The following SHOX2 variants were observed in gnomAD, a reference collection of about 807,000 sequenced individuals.
SHOX2 encodes the protein short stature homeobox protein 2.
Under a neutral mutation model 31.3 loss-of-function variants are expected in SHOX2, and 13 were observed. The observed-to-expected ratio is 0.42, with a 90% CI of 0.27 to 0.66. SHOX2 has a LOEUF of 0.66. Ranked by LOEUF, SHOX2 falls within the 30% of genes least tolerant of loss-of-function variation. SHOX2 has a pLI of 0.27. For synonymous variants in SHOX2, 244 were observed against 196.2 expected, an observed-to-expected ratio of 1.24 and a Z score of -2.04; for missense variants, 473 against 443.0, an observed-to-expected ratio of 1.07 and a Z score of -0.61.
At chr3:158,102,318 G>A (rs1478233349) in intron 2 of SHOX2, among the ~76,000 whole-genome samples, 1 of 152,098 alleles carries the variant, frequency 6.6e-6, no homozygotes, top group Admixed American at 6.5e-5. Flanking sequence ...GGCATCCAGA[G>A]ATAAAACGTT....
Position 158,097,889 on chromosome 3 carries a change from G to C in SHOX2, c.*138C>G, listed in dbSNP as rs1175735426. The C allele has an allele frequency of 2.7e-6, 3 of 1,123,346 alleles. No homozygotes were observed. Among genetic ancestry groups the C allele is most frequent in the East Asian group, 4.8e-5 (2 of 41,744 alleles). The allele number at this position is 1,123,346 out of a possible 1,614,324, so 69.6% of individuals were successfully genotyped here. ...GCTTTCCGAGTCCAAGATGCGATAGGGGACGAGGGATGGTCAGTGAGGCGG... is the reference window on the plus strand; with the variant it reads ...GCTTTCCGAGTCCAAGATGCGATAGCGGACGAGGGATGGTCAGTGAGGCGG... On this transcript the variant is annotated 3_prime_UTR_variant, in exon 5 of 5. Transcript: ENST00000483851.
rs149349356 is a variant in SHOX2, at chr3:158,096,781, T to C, written c.*1246A>G. 1 of 151,474 alleles carries C rather than the reference T, an allele frequency of 6.6e-6. No homozygotes were observed. The highest frequency in any genetic ancestry group is 2.4e-5 in the African/African-American group (1 of 41,248). The allele number at this position is 151,474 out of a possible 1,614,324, so 9.4% of individuals were successfully genotyped here. ...TTTCATTTGGTGGTCTTGTTTTCTT[T>C]TTCCTTTCCCCACATATTCTGCCCA... On this transcript the variant is annotated 3_prime_UTR_variant, in exon 5 of 5. Coordinates refer to ENST00000483851, the MANE Select transcript of SHOX2 (RefSeq NM_001163678.2).
Position 158,105,939 on chromosome 3 carries a change from A to G in SHOX2, c.86T>C (p.Leu29Pro). The G allele has an allele frequency of 1.2e-6, 2 of 1,611,046 alleles. No individual in the cohort carries two copies. The highest frequency in any genetic ancestry group is 1.7e-6 in the Non-Finnish European group (2 of 1,179,070). ...KKEAITYREVLESGPLRGAKE... is the reference protein window; with the variant it reads ...KKEAITYREVPESGPLRGAKE... ...GGCCCCGCGCAGCGGCCCGCTCTCC[A>G]GCACCTCCCGGTACGTGATCGCCTC... Residue 29 changes from leucine to proline, a missense_variant, in exon 1 of 5, where the codon CTG (leucine) becomes CCG (proline). This residue lies in a region of SHOX2 where 276 missense variants were observed against 230.0 expected (regional missense o/e 1.20). Coordinates refer to ENST00000483851, the MANE Select transcript of SHOX2 (RefSeq NM_001163678.2).
rs992488252 is a variant in SHOX2 at position 158,105,610 on chromosome 3, C to T, written c.346+69G>A. 5 of 1,413,300 alleles carry T rather than the reference C, an allele frequency of 3.5e-6. No homozygotes were observed. The Admixed American group carries it at 7.5e-5, about 21-fold the overall frequency. 87.5% of individuals were successfully genotyped at this position (1,413,300 alleles called of 1,614,324 possible). A position where few individuals can be genotyped will look rare whatever the true frequency, so the allele number is the denominator to read the frequency against. Reference sequence around the variant, plus strand: ...CCCCTCCCCGCTGGGCCTCGGAGTCCTCTCCCGCCCGAGAGGAGTCCGGAA... The same window carrying T: ...CCCCTCCCCGCTGGGCCTCGGAGTCTTCTCCCGCCCGAGAGGAGTCCGGAA... On this transcript the variant is annotated intron_variant, in intron 1 of 4. Coordinates refer to ENST00000483851, the MANE Select transcript of SHOX2 (RefSeq NM_001163678.2).
intron 1 of SHOX2, chr3:158,105,427 C>G (rs774419380): frequency 1.2e-4 from 74 of 598,004 alleles, no homozygotes; most frequent in Non-Finnish European, 1.5e-4. Context: ...ATGGGAACAT[C>G]TGGGAAGGGC....
At position 158,097,870 on chromosome 3, in the gene SHOX2, C is replaced by G. The variant is rs1713219670; in HGVS notation, c.*157G>C. 4 of 985,854 alleles carry G rather than the reference C, an allele frequency of 4.1e-6. No homozygotes were observed. Among genetic ancestry groups the G allele is most frequent in the Admixed American group, 2.3e-5 (1 of 42,674 alleles). The allele number at this position is 985,854 out of a possible 1,614,324, so 61.1% of individuals were successfully genotyped here. A position where few individuals can be genotyped will look rare whatever the true frequency, so the allele number is the denominator to read the frequency against. On this transcript the variant is annotated 3_prime_UTR_variant, in exon 5 of 5. Coordinates refer to ENST00000483851, the MANE Select transcript of SHOX2 (RefSeq NM_001163678.2). ...TGGTCCTGCGTGGAGTCTGGCTTTC[C>G]GAGTCCAAGATGCGATAGGGGACGA...
chr3:158,104,560 C>T (rs139048495), intron 1 of SHOX2, among the ~76,000 whole-genome samples: 6 of 152,342 alleles, frequency 3.9e-5, no homozygotes, highest in East Asian at 1.9e-4. Flanking sequence ...TATGAAAACA[C>T]ACCCTTCAAA....
In SHOX2 at chr3:158,096,933, G is replaced by GATATATATAT. The variant is rs1713150466; in HGVS notation, c.*1093_*1094insATATATATAT. ...ATATATATATATATATATATATATG[G>GATATATATAT]CAAATATATGATATATATATATGGA... On this transcript the variant is annotated 3_prime_UTR_variant, in exon 5 of 5. Transcript: ENST00000483851. 3.4e-4 allele frequency: 7 copies of GATATATATAT among 20,852 alleles called. No homozygotes were observed. Among genetic ancestry groups the GATATATATAT allele is most frequent in the Non-Finnish European group, 5.8e-4 (5 of 8,640 alleles). 1.3% of individuals were successfully genotyped at this position (20,852 alleles called of 1,614,324 possible). A position where few individuals can be genotyped will look rare whatever the true frequency, so the allele number is the denominator to read the frequency against.
In SHOX2 at chr3:158,099,937, C is replaced by T. The variant is rs1170823341; in HGVS notation, c.625G>A (p.Gly209Arg). Residue 209 changes from glycine (G) to arginine (R), a missense_variant, in exon 4 of 5, where the codon GGG (glycine) becomes AGG (arginine). Coordinates refer to ENST00000483851, the MANE Select transcript of SHOX2 (RefSeq NM_001163678.2). ...CAAGCTTCAAACTGGCTGGCGGCCC[C>T]TATGAGAACACCTGTAAAAAGTACA... The part of the protein sequence containing the change: ...ENQLHKGVLI[G>R]AASQFEACRV... 3 of 1,613,978 alleles carry T rather than the reference C, an allele frequency of 1.9e-6. No homozygotes were observed. The highest frequency in any genetic ancestry group is 1.7e-4 in the Middle Eastern group (1 of 6,060).
chr3:158,105,356 C>T (rs988019997), intron 1 of SHOX2: 7 of 594,018 alleles, frequency 1.2e-5, no homozygotes, highest in Non-Finnish European at 2.1e-5. Context: ...TCCACGTCCG[C>T]CTGCGGGCCA....
In SHOX2 at chr3:158,097,158, ATTTT is replaced by A. The variant is rs545503300; in HGVS notation, c.*865_*868del. On this transcript the variant is annotated 3_prime_UTR_variant, in exon 5 of 5. Transcript: ENST00000483851. ...TCTCAGAGAAATCATTGTCTGTGGCATTTTTTTGTGTTAATATTATTTTTCTCTC... is the reference window on the plus strand; with the variant it reads ...TCTCAGAGAAATCATTGTCTGTGGCATTTGTGTTAATATTATTTTTCTCTC... 6.6e-6 allele frequency: 1 copy of A among 151,778 alleles called. No individual in the cohort carries two copies. The highest frequency in any genetic ancestry group is 2.4e-5 in the African/African-American group (1 of 41,248). 9.4% of individuals were successfully genotyped at this position (151,778 alleles called of 1,614,324 possible).
At chr3:158,101,213 C>T (rs1289268914) in intron 2 of SHOX2, among the ~76,000 whole-genome samples, 1 of 152,092 alleles carries the variant, frequency 6.6e-6, no homozygotes, top group African/African-American at 2.4e-5. Context: ...TTTAAAACCC[C>T]ATTAAAGTAA....
chr3:158,105,657 C>T (rs1713853244), intron 1 of SHOX2, 22 bp downstream of exon 1: 6 of 1,515,870 alleles, frequency 4.0e-6, no homozygotes, highest in Non-Finnish European at 5.3e-6. Flanking sequence ...GAACCGCTGC[C>T]GGGGGTCAGT....
In SHOX2 at chr3:158,106,199, AGAG is replaced by A. The variant is rs574939651; in HGVS notation, c.-178_-176del. On this transcript the variant is annotated 5_prime_UTR_variant, in exon 1 of 5. Coordinates refer to ENST00000483851, the MANE Select transcript of SHOX2 (RefSeq NM_001163678.2). ...AGAAAAAGAGGAGAAGAAAGAAGAA[AGAG>A]GAGGAGAAGTAGAAGGAGAAAAAGA... The A allele has an allele frequency of 1.2e-4, 131 of 1,064,378 alleles. No individual in the cohort carries two copies. The African/African-American group carries it at 1.4e-3, about 12-fold the overall frequency. The allele number at this position is 1,064,378 out of a possible 1,614,324, so 65.9% of individuals were successfully genotyped here. A position where few individuals can be genotyped will look rare whatever the true frequency, so the allele number is the denominator to read the frequency against.
chr3:158,101,795 C>T (rs1879803), intron 2 of SHOX2, among the ~76,000 whole-genome samples: 135,608 of 152,234 alleles, frequency 0.89, 60,552 homozygotes, highest in East Asian at 1. Flanking sequence ...ATTTTATTAT[C>T]TGAGCGGAAA....
chr3:158,104,917 G>C (rs1314507366), intron 1 of SHOX2: 2 of 633,428 alleles, frequency 3.2e-6, no homozygotes, highest in Non-Finnish European at 2.8e-6. Context: ...TTGAGATAAA[G>C]ACGTTTCCTA....
chr3:158,100,180 G>A, intron 3 of SHOX2, 74 bp downstream of exon 3: 1 of 1,268,520 alleles, frequency 7.9e-7, no homozygotes, highest in East Asian at 2.3e-5. Context: ...CTTTTTTTCT[G>A]TCATTGTAAT....
chr3:158,105,623 G>C, intron 1 of SHOX2, 56 bp downstream of exon 1: 11 of 1,459,520 alleles, frequency 7.5e-6, no homozygotes, highest in Admixed American at 4.7e-5. Flanking sequence ...TCCCGCCCGA[G>C]AGGAGTCCGG....
At chr3:158,101,285 A>G (rs1035514892) in intron 2 of SHOX2, among the ~76,000 whole-genome samples, 9 of 152,226 alleles carry the variant, frequency 5.9e-5, no homozygotes, top group African/African-American at 1.9e-4. Flanking sequence ...GTCAATGTAA[A>G]TCTTCAAAAA....
Sources: allele counts gnomAD v4.1 joint callset (sites outside exome capture counted in the v4.1 genomes callset), GRCh38; gene constraint gnomAD v4.1.1; regional missense constraint gnomAD v4.1.1; transcripts MANE v1.5; gene names NCBI Gene and HGNC (gene_info 2026-07-23, HGNC 2026-07-21).